DPY19L2: variants seen among roughly 807,000 people sequenced by gnomAD.
DPY19L2 encodes the protein dpy-19 like 2.
Under a neutral mutation model 97.9 loss-of-function variants are expected in DPY19L2, and 34 were observed. The ratio of observed to expected loss-of-function variants is 0.35; its 90% CI spans 0.26 to 0.46. The LOEUF (loss-of-function observed/expected upper bound fraction) is 0.46. DPY19L2 is among the 20% of genes least tolerant of loss of function. The pLI is 1.00. For synonymous variants in DPY19L2, 230 were observed against 307.9 expected, an observed-to-expected ratio of 0.75 and a Z score of 2.65; for missense variants, 623 against 911.4, an observed-to-expected ratio of 0.68 and a Z score of 4.07.
intron 12 of DPY19L2, 125 bp downstream of exon 12, chr12:63,608,491 T>A: frequency 1.1e-6 from 1 of 918,034 alleles, no homozygotes. Context: ...ATAGTAACTA[T>A]TTTTAAGACA....
At chr12:63,588,760 T>G (rs1351472337) in intron 16 of DPY19L2, among the ~76,000 whole-genome samples, 22 of 148,768 alleles carry the variant, frequency 1.5e-4, no homozygotes, top group Non-Finnish European at 6.0e-5. Flanking sequence ...TTTTTTTTTT[T>G]TTTTGTTTTT....
At chr12:63,573,316 T>C (rs1879230051) in intron 19 of DPY19L2, among the ~76,000 whole-genome samples, 1 of 151,918 alleles carries the variant, frequency 6.6e-6, no homozygotes, top group Non-Finnish European at 1.5e-5. Flanking sequence ...TACTGAAGAA[T>C]GTATCAGTCT....
rs750943882 is a variant in DPY19L2 at position 63,595,471 on chromosome 12, A to G, written c.1533+495T>C. Among the ~76,000 whole-genome samples the G allele has an allele frequency of 1.8e-4, 27 of 152,256 alleles. 1 individual carries two copies. Among genetic ancestry groups the G allele is most frequent in the Non-Finnish European group, 3.7e-4 (25 of 68,014 alleles). ...GAAAACAGTGAACATGTAGAAAAGT[A>G]TTTTTCAATTAGCTATACAGATTTC... is the stretch of plus-strand genomic sequence containing the variant. On this transcript the variant is annotated intron_variant, in intron 15 of 21. Transcript: ENST00000324472.
intron 5 of DPY19L2, among the ~76,000 whole-genome samples, chr12:63,645,342 C>A (rs1323216540): frequency 1.3e-5 from 2 of 152,128 alleles, no homozygotes; most frequent in Non-Finnish European, 1.5e-5. Flanking sequence ...TTATGTACCA[C>A]TCTTTAATAT....
intron 19 of DPY19L2, among the ~76,000 whole-genome samples, chr12:63,572,043 A>C (rs1367543285): frequency 1.3e-5 from 2 of 152,182 alleles, no homozygotes; most frequent in African/African-American, 2.4e-5. Flanking sequence ...CTACACAAAA[A>C]GCACTTTCAT....
At chr12:63,600,443 T>G (rs1884948570) in intron 12 of DPY19L2, 57 bp from the exon 13 acceptor site, 1 of 1,331,244 alleles carries the variant, frequency 7.5e-7, no homozygotes, top group Non-Finnish European at 1.1e-6. Flanking sequence ...AGCTAAAGTA[T>G]TCAATTATGT....
chr12:63,611,447 T>C (rs141767260), intron 11 of DPY19L2, among the ~76,000 whole-genome samples: 1 of 151,712 alleles, frequency 6.6e-6, no homozygotes, highest in African/African-American at 2.4e-5. Flanking sequence ...AGCCCCGATA[T>C]GAGAAGAAGA....
intron 15 of DPY19L2, among the ~76,000 whole-genome samples, chr12:63,594,491 GTA>G (rs1216551701): frequency 1.1e-4 from 16 of 144,554 alleles, no homozygotes; most frequent in South Asian, 4.3e-4. Flanking sequence ...GTGTGTGTGT[GTA>G]TGAAACTTGG....
intron 2 of DPY19L2, among the ~76,000 whole-genome samples, chr12:63,665,409 G>C (rs1896209264): frequency 6.6e-6 from 1 of 151,342 alleles, no homozygotes; most frequent in Non-Finnish European, 1.5e-5. Flanking sequence ...GGAGGCAGAG[G>C]TTGCAGTGAG....
At chr12:63,625,312 G>T (rs191265620) in intron 7 of DPY19L2, among the ~76,000 whole-genome samples, 1 of 151,710 alleles carries the variant, frequency 6.6e-6, no homozygotes, top group Non-Finnish European at 1.5e-5. Flanking sequence ...CAGGAGAATT[G>T]CTTGAACCTG....
At chr12:63,639,099 G>T (rs911915845) in intron 6 of DPY19L2, among the ~76,000 whole-genome samples, 8 of 152,122 alleles carry the variant, frequency 5.3e-5, no homozygotes, top group African/African-American at 1.9e-4. Flanking sequence ...AACAAGCAAT[G>T]CGGAAAGGAT....
intron 6 of DPY19L2, among the ~76,000 whole-genome samples, chr12:63,642,266 T>A (rs1892803072): frequency 6.6e-6 from 1 of 152,130 alleles, no homozygotes; most frequent in Admixed American, 6.5e-5. Context: ...GGTATATACT[T>A]TGTAAATATC....
intron 6 of DPY19L2, among the ~76,000 whole-genome samples, chr12:63,638,856 A>T (rs7488016): frequency 0.41 from 62,649 of 151,824 alleles, 12,826 homozygotes; most frequent in South Asian, 0.47. Flanking sequence ...AAAACTACTT[A>T]AAAGTTCATA....
chr12:63,663,938 T>A, intron 2 of DPY19L2, 93 bp from the exon 3 acceptor site: 2 of 788,294 alleles, frequency 2.5e-6, no homozygotes, highest in Non-Finnish European at 4.0e-6. Flanking sequence ...AAGAAAACAA[T>A]AAATTGTTAT....
At chr12:63,625,722 T>C (rs1702967003) in intron 7 of DPY19L2, among the ~76,000 whole-genome samples, 1 of 152,124 alleles carries the variant, frequency 6.6e-6, no homozygotes, top group African/African-American at 2.4e-5. Flanking sequence ...GGTGGCAGTG[T>C]CTTAACTGTG....
At chr12:63,583,042 T>C (rs2137379843) in intron 17 of DPY19L2, among the ~76,000 whole-genome samples, 1 of 152,252 alleles carries the variant, frequency 6.6e-6, no homozygotes, top group African/African-American at 2.4e-5. Flanking sequence ...CTAAAACAAA[T>C]GCTCATTGAA....
chr12:63,612,455 A>G (rs572041938), intron 11 of DPY19L2, among the ~76,000 whole-genome samples: 10 of 152,220 alleles, frequency 6.6e-5, no homozygotes, highest in African/African-American at 1.9e-4. Context: ...TATGACAATA[A>G]CATGAAATAA....
At chr12:63,580,626 T>C (rs1441611161) in intron 19 of DPY19L2, 36 bp downstream of exon 19, 2 of 1,553,204 alleles carry the variant, frequency 1.3e-6, no homozygotes, top group East Asian at 2.2e-5. Flanking sequence ...TCTGTATGTT[T>C]GTATAAAACT....
chr12:63,631,691 G>A (rs1170028415), intron 6 of DPY19L2, among the ~76,000 whole-genome samples: 2 of 151,994 alleles, frequency 1.3e-5, no homozygotes, highest in African/African-American at 4.8e-5. Context: ...AGAAAAAGAG[G>A]GAATCCTCCC....
Sources: gnomAD v4.1 joint callset for allele counts (sites outside exome capture counted in the v4.1 genomes callset) on GRCh38, gnomAD v4.1.1 for gene constraint, MANE v1.5 for transcripts, NCBI Gene and HGNC (gene_info 2026-07-23, HGNC 2026-07-21) for gene names.